Variants in RARB observed in about 807,000 individuals in gnomAD.
RARB encodes the protein retinoic acid receptor beta, also known as HBV-activated protein.
In RARB, 17 loss-of-function variants were observed where a neutral mutation model predicts 51.9. The observed-to-expected ratio is 0.33, with a 90% CI of 0.22 to 0.49. The LOEUF (loss-of-function observed/expected upper bound fraction) is 0.49. RARB is among the 20% of genes least tolerant of loss of function. The pLI, the probability that RARB is intolerant of heterozygous loss-of-function variation, is 0.99. For synonymous variants in RARB, 215 were observed against 195.4 expected, an observed-to-expected ratio of 1.10 and a Z score of -0.84; for missense variants, 369 against 550.8, an observed-to-expected ratio of 0.67 and a Z score of 3.30.
At chr3:24,963,726 G>A (rs1028703883) in intron 2 of RARB, among the ~76,000 whole-genome samples, 3 of 151,850 alleles carry the variant, frequency 2.0e-5, no homozygotes, top group African/African-American at 7.3e-5. Flanking sequence ...GGAGTATATA[G>A]TTCATGCTTT....
At chr3:25,371,498 T>A (rs1043863080) in intron 5 of RARB, among the ~76,000 whole-genome samples, 1 of 152,238 alleles carries the variant, frequency 6.6e-6, no homozygotes, top group Non-Finnish European at 1.5e-5. Context: ...ATATCTTTCA[T>A]GGTTTCTGAT....
exon 5 of RARB, chr3:25,174,293 C>T (rs1700699894): frequency 5.9e-6 from 6 of 1,012,656 alleles, no homozygotes; most frequent in Non-Finnish European, 8.2e-6. Flanking sequence ...CAGAACACAG[C>T]TCAGCCTCAA....
intron 2 of RARB, among the ~76,000 whole-genome samples, chr3:24,865,692 T>C (rs776417219): frequency 3.9e-5 from 6 of 152,176 alleles, no homozygotes; most frequent in Non-Finnish European, 7.4e-5. Flanking sequence ...CTTGTACAAC[T>C]ATAAAACCAA....
At chr3:25,397,006 A>G (rs542744850) in intron 5 of RARB, among the ~76,000 whole-genome samples, 1 of 152,172 alleles carries the variant, frequency 6.6e-6, no homozygotes, top group South Asian at 2.1e-4. Flanking sequence ...TGCTCTCTCA[A>G]CTGCCATGGT....
intron 5 of RARB, among the ~76,000 whole-genome samples, chr3:25,298,401 C>G (rs1338853415): frequency 6.6e-6 from 1 of 151,996 alleles, no homozygotes; most frequent in Admixed American, 6.6e-5. Flanking sequence ...AGGCTGGTCT[C>G]CAACTCCTGA....
intron 2 of RARB, among the ~76,000 whole-genome samples, chr3:24,972,962 G>A (rs1168258779): frequency 6.6e-6 from 1 of 151,972 alleles, no homozygotes; most frequent in Non-Finnish European, 1.5e-5. Flanking sequence ...TCGCTATGCA[G>A]AACGTTTTTA....
intron 2 of RARB, among the ~76,000 whole-genome samples, chr3:24,862,078 T>C (rs1350646620): frequency 6.6e-6 from 1 of 152,186 alleles, no homozygotes; most frequent in Non-Finnish European, 1.5e-5. Context: ...ACATTTCCAA[T>C]GGTAGCACTA....
At chr3:25,531,391 GATAGATAGA>G (rs1698905705) in intron 3 of RARB, among the ~76,000 whole-genome samples, 2 of 38,962 alleles carry the variant, frequency 5.1e-5, no homozygotes, top group Non-Finnish European at 8.3e-5. Flanking sequence ...TAGATAGGTA[GATAGATAGA>G]TAGATAGATA....
At chr3:25,204,215 C>G (rs1428129706) in intron 5 of RARB, among the ~76,000 whole-genome samples, 2 of 152,164 alleles carry the variant, frequency 1.3e-5, no homozygotes, top group East Asian at 1.9e-4. Context: ...TCCAGTTGAT[C>G]GAATCAGCTA....
chr3:24,948,694 C>T (rs968552176), intron 2 of RARB, among the ~76,000 whole-genome samples: 46 of 152,018 alleles, frequency 3.0e-4, no homozygotes, highest in African/African-American at 1.1e-3. Context: ...GGGATTGGAT[C>T]GTGGGGGCAG....
chr3:24,835,750 G>A (rs919153852), intron 1 of RARB, among the ~76,000 whole-genome samples: 5 of 152,270 alleles, frequency 3.3e-5, no homozygotes, highest in Non-Finnish European at 7.4e-5. Flanking sequence ...ATGATAGAGC[G>A]CTGTCGAGAT....
At chr3:25,511,292 T>C (rs1038124558) in intron 3 of RARB, among the ~76,000 whole-genome samples, 2 of 151,892 alleles carry the variant, frequency 1.3e-5, no homozygotes, top group African/African-American at 2.4e-5. Flanking sequence ...GCCACCACGC[T>C]CGGCTAATTT....
intron 5 of RARB, among the ~76,000 whole-genome samples, chr3:25,280,311 G>A (rs1329121185): frequency 1.3e-5 from 2 of 152,142 alleles, no homozygotes; most frequent in African/African-American, 4.8e-5. Flanking sequence ...AGTATAGGGA[G>A]GGCAACTCTC....
chr3:25,119,770 A>G (rs1699749875), intron 3 of RARB, among the ~76,000 whole-genome samples: 1 of 152,176 alleles, frequency 6.6e-6, no homozygotes, highest in Non-Finnish European at 1.5e-5. Context: ...GGCTACAATA[A>G]ACATTCAGAT....
intron 5 of RARB, among the ~76,000 whole-genome samples, chr3:25,354,400 T>C (rs529700163): frequency 9.2e-5 from 14 of 152,274 alleles, no homozygotes; most frequent in Admixed American, 7.9e-4. Context: ...GAATTTCCTC[T>C]TGGGGGTGGT....
chr3:25,066,442 G>T (rs1324409095), intron 3 of RARB, among the ~76,000 whole-genome samples: 1 of 152,086 alleles, frequency 6.6e-6, no homozygotes. Context: ...AATAATTTGT[G>T]CCCTATTCTT....
At chr3:25,091,477 C>T (rs1699197824) in intron 3 of RARB, among the ~76,000 whole-genome samples, 1 of 152,184 alleles carries the variant, frequency 6.6e-6, no homozygotes. Flanking sequence ...AAACTTTACA[C>T]TGGACAGCTC....
At chr3:25,353,584 A>ATTTTT (rs3035062) in intron 5 of RARB, among the ~76,000 whole-genome samples, 5 of 144,910 alleles carry the variant, frequency 3.5e-5, no homozygotes, top group Non-Finnish European at 3.0e-5. Flanking sequence ...TGCTGCTGAG[A>ATTTTT]TTTTTTTTTT....
At chr3:25,509,015 A>T (rs1575472408) in intron 3 of RARB, among the ~76,000 whole-genome samples, 1 of 152,230 alleles carries the variant, frequency 6.6e-6, no homozygotes, top group East Asian at 1.9e-4. Flanking sequence ...CAGCTTTACT[A>T]ATATATTTCT....
Sources: gnomAD v4.1 joint callset for allele counts (sites outside exome capture counted in the v4.1 genomes callset) on GRCh38, gnomAD v4.1.1 for gene constraint, MANE v1.5 for transcripts, NCBI Gene and HGNC (gene_info 2026-07-23, HGNC 2026-07-21) for gene names.